The following TENM2 variants were observed in gnomAD, a reference collection of about 807,000 sequenced individuals.
TENM2 encodes teneurin transmembrane protein 2.
TENM2 carries 52 observed loss-of-function variants against 245.2 expected under a neutral mutation model. The ratio of observed to expected loss-of-function variants is 0.21; its 90% CI spans 0.17 to 0.27. The LOEUF (loss-of-function observed/expected upper bound fraction) is 0.27. Among genes scored for constraint, TENM2 ranks in the 10% least tolerant of loss-of-function variants. TENM2 has a pLI of 1.00. For missense variants in TENM2, 3,046 were observed against 3,666.8 expected, an observed-to-expected ratio of 0.83 and a Z score of 4.37; for synonymous variants, 1,363 against 1,438.9, an observed-to-expected ratio of 0.95 and a Z score of 1.19.
intron 2 of TENM2, among the ~76,000 whole-genome samples, chr5:167,457,226 T>C (rs1260788765): frequency 6.6e-6 from 1 of 152,154 alleles, no homozygotes; most frequent in Non-Finnish European, 1.5e-5. Context: ...CTAAAACATA[T>C]GGAATCATAT....
intron 2 of TENM2, among the ~76,000 whole-genome samples, chr5:167,864,232 A>G (rs141710671): frequency 2.0e-5 from 3 of 152,316 alleles, no homozygotes; most frequent in African/African-American, 4.8e-5. Flanking sequence ...ACTGTTTGCT[A>G]TCTGCAGACA....
intron 2 of TENM2, among the ~76,000 whole-genome samples, chr5:167,833,591 G>A (rs192832703): frequency 3.9e-5 from 6 of 152,298 alleles, no homozygotes; most frequent in East Asian, 1.9e-4. Context: ...CAGTCTTTGC[G>A]TAATCAGCGG....
the TENM2 span, among the ~76,000 whole-genome samples, chr5:167,093,548 G>A: frequency 2.6e-5 from 4 of 152,142 alleles, no homozygotes; most frequent in African/African-American, 4.8e-5. Context: ...TGGGCTAGTC[G>A]CGACAGCATA....
rs1175084824 is a variant in TENM2, at chr5:167,630,527, G to A, written c.503-245459G>A. Among the ~76,000 whole-genome samples, 3 of 152,110 alleles carry A rather than the reference G, an allele frequency of 2.0e-5. No individual in the cohort carries two copies. In the East Asian group the frequency reaches 5.8e-4, roughly 29 times the overall value. ...TATTTTCAGACCACTATTGAGCACA[G>A]GTAACTGAAACTGCACGAAGTGAAA... On this transcript the variant is annotated intron_variant, in intron 2 of 28. Coordinates refer to ENST00000518659, the Ensembl canonical transcript of TENM2.
intron 23 of TENM2, among the ~76,000 whole-genome samples, chr5:168,223,536 C>T (rs1187081195): frequency 6.7e-6 from 1 of 148,720 alleles, no homozygotes; most frequent in Admixed American, 6.7e-5. Flanking sequence ...GGCACAATCT[C>T]AGCTCACTGC....
At chr5:167,980,087 A>G (rs1322268246) in intron 4 of TENM2, among the ~76,000 whole-genome samples, 2 of 152,198 alleles carry the variant, frequency 1.3e-5, no homozygotes, top group South Asian at 2.1e-4. Context: ...GCATTCTTCC[A>G]GGGGCTGGAG....
intron 2 of TENM2, among the ~76,000 whole-genome samples, chr5:167,784,942 T>C: frequency 6.6e-6 from 1 of 151,210 alleles, no homozygotes; most frequent in Admixed American, 6.6e-5. Context: ...TCAATAAATC[T>C]GGGAATTCAT....
chr5:167,690,167 G>GA (rs1208201829), intron 2 of TENM2, among the ~76,000 whole-genome samples: 1 of 146,744 alleles, frequency 6.8e-6, no homozygotes, highest in South Asian at 2.2e-4. Flanking sequence ...GGGGCAGAAG[G>GA]AAAAATAATT....
intron 2 of TENM2, among the ~76,000 whole-genome samples, chr5:167,658,850 A>T (rs948948089): frequency 6.6e-6 from 1 of 152,226 alleles, no homozygotes; most frequent in Non-Finnish European, 1.5e-5. Context: ...TAGCAAGGAG[A>T]GAAAGCTCTG....
chr5:167,332,177 G>T (rs1430035177), intron 1 of TENM2, among the ~76,000 whole-genome samples: 1 of 152,120 alleles, frequency 6.6e-6, no homozygotes, highest in East Asian at 1.9e-4. Flanking sequence ...TGGGCGTTAC[G>T]ATTCTAGTCC....
chr5:168,006,336 T>C (rs1488193584), intron 5 of TENM2, among the ~76,000 whole-genome samples: 1 of 152,192 alleles, frequency 6.6e-6, no homozygotes, highest in Non-Finnish European at 1.5e-5. Flanking sequence ...GGAAGGGTCC[T>C]GAGGTTCTAG....
intron 3 of TENM2, among the ~76,000 whole-genome samples, chr5:167,896,044 G>A (rs1775193147): frequency 6.6e-6 from 1 of 152,214 alleles, no homozygotes; most frequent in Admixed American, 6.5e-5. Flanking sequence ...GCTTTAAGAA[G>A]AACAAAAGCA....
chr5:167,517,916 C>T (rs939985706), intron 2 of TENM2, among the ~76,000 whole-genome samples: 6 of 152,078 alleles, frequency 3.9e-5, no homozygotes, highest in Admixed American at 6.6e-5. Flanking sequence ...GGCCGGGCAC[C>T]GTGGCTCATG....
chr5:167,839,057 C>A (rs1769251677), intron 2 of TENM2, among the ~76,000 whole-genome samples: 1 of 152,170 alleles, frequency 6.6e-6, no homozygotes, highest in Non-Finnish European at 1.5e-5. Flanking sequence ...GTACACAAAG[C>A]ACACTCAATG....
At chr5:167,769,921 C>A (rs543284396) in intron 2 of TENM2, among the ~76,000 whole-genome samples, 188 of 152,102 alleles carry the variant, frequency 1.2e-3, no homozygotes, top group African/African-American at 4.3e-3. Context: ...TTTTTTTTCC[C>A]CAGTAAAGAC....
At chr5:167,046,090 C>T in the TENM2 span, among the ~76,000 whole-genome samples, 1 of 152,128 alleles carries the variant, frequency 6.6e-6, no homozygotes, top group Non-Finnish European at 1.5e-5. Context: ...TACTGTCTTG[C>T]TTTCAAGTAC....
intron 2 of TENM2, among the ~76,000 whole-genome samples, chr5:167,822,983 G>A (rs558823151): frequency 6.6e-6 from 1 of 152,302 alleles, no homozygotes; most frequent in African/African-American, 2.4e-5. Flanking sequence ...AACTATTTGA[G>A]AAAGTGGGGT....
chr5:167,679,524 G>A (rs74782793), intron 2 of TENM2, among the ~76,000 whole-genome samples: 2,810 of 152,130 alleles, frequency 0.018, 80 homozygotes, highest in African/African-American at 0.064. Context: ...GCGGGTATGC[G>A]GTAGTGATTA....
intron 5 of TENM2, among the ~76,000 whole-genome samples, chr5:168,044,618 C>T (rs1384395544): frequency 5.3e-5 from 8 of 151,916 alleles, no homozygotes; most frequent in Non-Finnish European, 1.0e-4. Flanking sequence ...CATTTATATT[C>T]AAGACACTGT....
Sources: gnomAD v4.1 joint callset for allele counts (sites outside exome capture counted in the v4.1 genomes callset) on GRCh38, gnomAD v4.1.1 for gene constraint, MANE v1.5 for transcripts, NCBI Gene and HGNC (gene_info 2026-07-23, HGNC 2026-07-21) for gene names.